C1orf56: variants seen among roughly 807,000 people sequenced by gnomAD.
The protein encoded by C1orf56 is chromosome 1 open reading frame 56.
Under a neutral mutation model 20.7 loss-of-function variants are expected in C1orf56, and 14 were observed. The observed-to-expected ratio is 0.68, with a 90% confidence interval of 0.45 to 1.06. The LOEUF (loss-of-function observed/expected upper bound fraction) is 1.06, where lower values mean the gene tolerates loss of function less well. C1orf56 is among the 50% of genes least tolerant of loss of function. The pLI, the probability that C1orf56 is intolerant of heterozygous loss-of-function variation, is 0.00. For missense variants in C1orf56, 424 were observed against 451.4 expected (o/e 0.94, Z 0.55); for synonymous variants, 187 against 194.7 (o/e 0.96, Z 0.33).
At position 151,048,311 on chromosome 1, in the gene C1orf56, C is replaced by T. The variant is rs368980042; in HGVS notation, c.464C>T (p.Pro155Leu). The change falls in exon 1 of 2, where the codon CCG (proline) becomes CTG (leucine). Residue 155 changes from proline (P) to leucine (L), a missense_variant. By Grantham distance (98) the Pro-to-Leu change is moderately conservative. Coordinates refer to ENST00000368926, the MANE Select transcript of C1orf56 (RefSeq NM_017860.5). The surrounding 1 kb of genome is among the most constrained non-coding windows in gnomAD (Gnocchi z 4.8). ...EPEIRLTSSL[P>L]RSPGRSTEDL... ...GAAATCAGGCTGACTTCAAGCCTGC[C>T]GCGCTCCCCCGGGAGGTCTACTGAG... 1.2e-5 allele frequency: 20 copies of T among 1,614,034 alleles called. No homozygotes were observed. Among genetic ancestry groups the T allele is most frequent in the Admixed American group, 1.7e-5 (1 of 60,012 alleles).
rs1558106955 is a variant in C1orf56 at position 151,050,443 on chromosome 1, CAG to C, written c.1013_1014del (p.Arg338LysfsTer11). 2.5e-6 allele frequency: 4 copies of C among 1,609,124 alleles called. No homozygotes were observed. The highest frequency in any genetic ancestry group is 1.7e-5 in the Admixed American group (1 of 58,916). On this transcript the variant is annotated frameshift_variant, in exon 2 of 2. Transcript: ENST00000368926. LOFTEE classifies it high-confidence loss of function. ...TATTTTTTTTTCTTACGCAGATAGA[CAG>C]AAACCAGAGGTAATGGCCACTTCAT... ...SVFTEMQPIDRNQR is the reference protein window; with the variant it reads ...SVFTEMQPIDXNQR
Position 151,047,833 on chromosome 1 carries a change from C to A in C1orf56, c.-15C>A. 1 of 1,536,454 alleles carries A rather than the reference C, an allele frequency of 6.5e-7. No homozygotes were observed. Among genetic ancestry groups the A allele is most frequent in the Non-Finnish European group, 8.7e-7 (1 of 1,147,276 alleles). On this transcript the variant is annotated 5_prime_UTR_variant, in exon 1 of 2. Coordinates refer to ENST00000368926, the MANE Select transcript of C1orf56 (RefSeq NM_017860.5). ...GCCTCACTGGCCACCCTCCCAACCCCAAGAGCCCAGCCCCATGGTCCCCGC... is the reference window on the plus strand; with the variant it reads ...GCCTCACTGGCCACCCTCCCAACCCAAAGAGCCCAGCCCCATGGTCCCCGC...
At position 151,049,771 on chromosome 1, in the gene C1orf56, T is replaced by C. The variant is rs970371016; in HGVS notation, c.1006-667T>C. 2.2e-4 allele frequency: 33 copies of C among 152,400 alleles called. 1 individual carries two copies. Among genetic ancestry groups the C allele is most frequent in the African/African-American group, 7.7e-4 (32 of 41,552 alleles). The allele number at this position is 152,400 out of a possible 1,614,324, so 9.4% of individuals were successfully genotyped here. ...GGTCTCCAACTCCTGAGCTCAAGGA[T>C]CTGCCCACCTTGGCCTTCCAGAATT... On this transcript the variant is annotated intron_variant, in intron 1 of 1. Transcript: ENST00000368926.
At position 151,050,648 on chromosome 1, in the gene C1orf56, GTAAC is replaced by G. The variant is rs1676158849; in HGVS notation, c.*193_*196del. ...CCCTTCATCCCTAAGACTGAACTATGTAACTAGCAGCCTCTGGCTTGTTTTCTAC... is the reference window on the plus strand; with the variant it reads ...CCCTTCATCCCTAAGACTGAACTATGTAGCAGCCTCTGGCTTGTTTTCTAC... On this transcript the variant is annotated 3_prime_UTR_variant, in exon 2 of 2. Coordinates refer to ENST00000368926, the MANE Select transcript of C1orf56 (RefSeq NM_017860.5). 8.2e-6 allele frequency: 4 copies of G among 485,462 alleles called. No homozygotes were observed. Among genetic ancestry groups the G allele is most frequent in the Non-Finnish European group, 1.1e-5 (3 of 276,618 alleles). 30.1% of individuals were successfully genotyped at this position (485,462 alleles called of 1,614,324 possible). A position where few individuals can be genotyped will look rare whatever the true frequency, so the allele number is the denominator to read the frequency against.
chr1:151,048,651 CTG>C lies in C1orf56; in HGVS notation c.806_807del (p.Cys269TyrfsTer2). Reference protein sequence around the residue: ...REECPLDTSLCTDTNCASQST... With the variant: ...REECPLDTSLXTDTNCASQST... ...AAGAGTGCCCCCTGGACACAAGTCT[CTG>C]TACTGACACCAACTGTGCCTCTCAG... is the stretch of plus-strand genomic sequence containing the variant. On this transcript the variant is annotated frameshift_variant, in exon 1 of 2. Coordinates refer to ENST00000368926, the MANE Select transcript of C1orf56 (RefSeq NM_017860.5). LOFTEE classifies it high-confidence loss of function. This position sits in a 1 kb window ranked among gnomAD's most constrained non-coding sequence, Gnocchi z 4.8. 6.2e-7 allele frequency: 1 copy of C among 1,613,968 alleles called. No homozygotes were observed. Among genetic ancestry groups the C allele is most frequent in the Non-Finnish European group, 8.5e-7 (1 of 1,179,898 alleles).
rs1233788297 is a variant in C1orf56 at position 151,048,790 on chromosome 1, G to C, written c.943G>C (p.Val315Leu). Reference sequence around the variant, plus strand: ...CCCAGCCCTGGCTTTTTGGAAACGGGTCAGGATTGGCCTGGAGGATATTTG... The same window carrying C: ...CCCAGCCCTGGCTTTTTGGAAACGGCTCAGGATTGGCCTGGAGGATATTTG... ...PCPALAFWKR[V>L]RIGLEDIWNS... Residue 315 changes from valine (V) to leucine (L), a missense_variant, in exon 1 of 2, where the codon GTC (valine) becomes CTC (leucine). Transcript: ENST00000368926. The surrounding 1 kb of genome is among the most constrained non-coding windows in gnomAD (Gnocchi z 4.8). 6.2e-7 allele frequency: 1 copy of C among 1,612,156 alleles called. No individual in the cohort carries two copies. Among genetic ancestry groups the C allele is most frequent in the Admixed American group, 1.7e-5 (1 of 59,718 alleles).
intron 1 of C1orf56, among the ~76,000 whole-genome samples, chr1:151,049,177 G>A (rs1196682507): frequency 1.3e-5 from 2 of 151,882 alleles, no homozygotes; most frequent in African/African-American, 2.4e-5. Flanking sequence ...GCAATGGCGT[G>A]ATCCTGGCTC....
chr1:151,048,355 G>A lies in C1orf56; in HGVS notation c.508G>A (p.Ala170Thr). ...TACTGAGGACCTGCCAGGCTCGCAG[G>A]CCACCCTGAGCCAGTGGTCCACACC... is the stretch of plus-strand genomic sequence containing the variant. Reference protein sequence around the residue: ...RSTEDLPGSQATLSQWSTPGS... With the variant: ...RSTEDLPGSQTTLSQWSTPGS... The change falls in exon 1 of 2, where the codon GCC (alanine) becomes ACC (threonine). Residue 170 changes from alanine (A) to threonine (T), a missense_variant. Coordinates refer to ENST00000368926, the MANE Select transcript of C1orf56 (RefSeq NM_017860.5). The surrounding 1 kb of genome is among the most constrained non-coding windows in gnomAD (Gnocchi z 4.8). The A allele has an allele frequency of 6.2e-7, 1 of 1,613,624 alleles. No individual in the cohort carries two copies. Among genetic ancestry groups the A allele is most frequent in the Non-Finnish European group, 8.5e-7 (1 of 1,179,946 alleles).
Position 151,048,070 on chromosome 1 carries a change from G to T in C1orf56, c.223G>T (p.Asp75Tyr). Residue 75 changes from aspartate (D) to tyrosine (Y), a missense_variant, in exon 1 of 2, where the codon GAC becomes TAC. By Grantham distance (160) the Asp-to-Tyr change is radical (BLOSUM62 -3). Transcript: ENST00000368926. The surrounding 1 kb of genome is among the most constrained non-coding windows in gnomAD (Gnocchi z 4.8). ...CGAGAATGATGCCATGGCCGACGCC[G>T]ACCGCCTGGCTGGACCAGCGGCTGC... Reference protein sequence around the residue: ...EDENDAMADADRLAGPAAAEL... With the variant: ...EDENDAMADAYRLAGPAAAEL... 6.2e-7 allele frequency: 1 copy of T among 1,614,056 alleles called. No homozygotes were observed.
Position 151,047,934 on chromosome 1 carries a change from T to C in C1orf56, c.87T>C (p.Thr29=). Residue 29 remains threonine, a synonymous_variant, in exon 1 of 2, where the codon ACT becomes ACC. Coordinates refer to ENST00000368926, the MANE Select transcript of C1orf56 (RefSeq NM_017860.5). ...RAAGAQGLTQ[T]PTEMQRVSLR... ...CGGGGGCCCAAGGCCTGACCCAGAC[T>C]CCGACCGAAATGCAGCGGGTCAGTT... The C allele has an allele frequency of 6.2e-7, 1 of 1,613,086 alleles. No individual in the cohort carries two copies. The highest frequency in any genetic ancestry group is 8.5e-7 in the Non-Finnish European group (1 of 1,179,832).
Position 151,048,085 on chromosome 1 carries a change from C to A in C1orf56, c.238C>A (p.Pro80Thr), listed in dbSNP as rs757073114. 1.2e-6 allele frequency: 2 copies of A among 1,612,942 alleles called. No individual in the cohort carries two copies. The highest frequency in any genetic ancestry group is 1.7e-6 in the Non-Finnish European group (2 of 1,179,906). The change falls in exon 1 of 2, where the codon CCA (proline) becomes ACA (threonine). Residue 80 changes from proline to threonine, a missense_variant. By Grantham distance (38) the Pro-to-Thr change is conservative (BLOSUM62 -1). Coordinates refer to ENST00000368926, the MANE Select transcript of C1orf56 (RefSeq NM_017860.5). The surrounding 1 kb of genome is among the most constrained non-coding windows in gnomAD (Gnocchi z 4.8). Reference protein sequence around the residue: ...AMADADRLAGPAAAELLAATV... With the variant: ...AMADADRLAGTAAAELLAATV... The stretch of plus-strand genomic sequence containing the variant: ...GGCCGACGCCGACCGCCTGGCTGGA[C>A]CAGCGGCTGCCGAGCTCTTGGCCGC...
Position 151,048,916 on chromosome 1 carries a change from C to T in C1orf56, c.1005+64C>T, listed in dbSNP as rs758009996. ...ATCTGAAAAGTCCTGGTATCTAAAA[C>T]CCAGTTGCTAAGCCAGCCAGTGTTG... On this transcript the variant is annotated intron_variant, in intron 1 of 1. Coordinates refer to ENST00000368926, the MANE Select transcript of C1orf56 (RefSeq NM_017860.5). The surrounding 1 kb of genome is among the most constrained non-coding windows in gnomAD (Gnocchi z 4.8). 4.0e-6 allele frequency: 6 copies of T among 1,503,622 alleles called. No homozygotes were observed. The highest frequency in any genetic ancestry group is 2.3e-5 in the East Asian group (1 of 43,408). The allele number at this position is 1,503,622 out of a possible 1,614,324, so 93.1% of individuals were successfully genotyped here. A position where few individuals can be genotyped will look rare whatever the true frequency, so the allele number is the denominator to read the frequency against.
chr1:151,050,299 G>A, intron 1 of C1orf56, 139 bp from the exon 2 acceptor site: 1 of 713,746 alleles, frequency 1.4e-6, no homozygotes, highest in South Asian at 2.0e-5. Context: ...TACCATTATT[G>A]CATACAAAAA....
In C1orf56 at chr1:151,048,532, CTT is replaced by C; in HGVS notation, c.687_688del (p.Ser230ArgfsTer41). 6.2e-7 allele frequency: 1 copy of C among 1,613,422 alleles called. No individual in the cohort carries two copies. Among genetic ancestry groups the C allele is most frequent in the Non-Finnish European group, 8.5e-7 (1 of 1,180,026 alleles). ...GAGCCGGTCTGGGAAGCTGCACGGC[CTT>C]TCCGGGCGCCTTCGAGTTGGGGCGC... ...SRSRSGKLHG[L>X]SGRLRVGALS... On this transcript the variant is annotated frameshift_variant, in exon 1 of 2. Transcript: ENST00000368926. LOFTEE classifies it high-confidence loss of function. The surrounding 1 kb of genome is among the most constrained non-coding windows in gnomAD (Gnocchi z 4.8).
chr1:151,048,940 T>G lies in C1orf56; in HGVS notation c.1005+88T>G. 6.7e-7 allele frequency: 1 copy of G among 1,496,640 alleles called. No homozygotes were observed. The highest frequency in any genetic ancestry group is 8.9e-7 in the Non-Finnish European group (1 of 1,124,714). The allele number at this position is 1,496,640 out of a possible 1,614,324, so 92.7% of individuals were successfully genotyped here. ...ACCCAGTTGCTAAGCCAGCCAGTGT[T>G]GCTTACATGAACTGTTACTGACTTA... On this transcript the variant is annotated intron_variant, in intron 1 of 1. Transcript: ENST00000368926. This position sits in a 1 kb window ranked among gnomAD's most constrained non-coding sequence, Gnocchi z 4.8.
In C1orf56 at chr1:151,048,396, C is replaced by A; in HGVS notation, c.549C>A (p.Ser183Arg). Residue 183 changes from serine (S) to arginine (R), a missense_variant, in exon 1 of 2, where the codon AGC becomes AGA. Transcript: ENST00000368926. This position sits in a 1 kb window ranked among gnomAD's most constrained non-coding sequence, Gnocchi z 4.8. ...SQWSTPGSTP[S>R]RWPSPSPTAM... ...GGTCCACACCTGGGTCTACCCCGAG[C>A]CGGTGGCCGTCACCCTCACCCACAG... The A allele has an allele frequency of 6.2e-7, 1 of 1,611,956 alleles. No homozygotes were observed. The highest frequency in any genetic ancestry group is 1.3e-5 in the African/African-American group (1 of 75,068).
rs1175026391 is a variant in C1orf56, at chr1:151,048,467, G to A, written c.620G>A (p.Gly207Asp). ...EDLRLVLMPWGPWHCHCKSGT... is the reference protein window; with the variant it reads ...EDLRLVLMPWDPWHCHCKSGT... ...CTGCGGCTGGTGCTGATGCCCTGGG[G>A]CCCGTGGCACTGCCACTGCAAGTCG... The change falls in exon 1 of 2, where the codon GGC (glycine) becomes GAC (aspartate). Residue 207 changes from glycine to aspartate, a missense_variant. Transcript: ENST00000368926. The surrounding 1 kb of genome is among the most constrained non-coding windows in gnomAD (Gnocchi z 4.8). The A allele has an allele frequency of 1.2e-6, 2 of 1,608,398 alleles. No homozygotes were observed. Among genetic ancestry groups the A allele is most frequent in the Non-Finnish European group, 1.7e-6 (2 of 1,179,932 alleles).
rs868752669 is a variant in C1orf56 at position 151,048,100 on chromosome 1, C to A, written c.253C>A (p.Leu85Ile). Residue 85 changes from leucine (L) to isoleucine (I), a missense_variant, in exon 1 of 2, where the codon CTC becomes ATC. Transcript: ENST00000368926. This position sits in a 1 kb window ranked among gnomAD's most constrained non-coding sequence, Gnocchi z 4.8. ...CCTGGCTGGACCAGCGGCTGCCGAG[C>A]TCTTGGCCGCCACGGTGTCCACCGG... ...DRLAGPAAAE[L>I]LAATVSTGFS... 1.9e-6 allele frequency: 3 copies of A among 1,613,336 alleles called. No individual in the cohort carries two copies. The African/African-American group carries it at 4.0e-5, about 22-fold the overall frequency.
chr1:151,050,421 T>C lies in C1orf56; in HGVS notation c.1006-17T>C, dbSNP rs770957140. The C allele has an allele frequency of 1.9e-6, 3 of 1,601,312 alleles. No homozygotes were observed. The African/African-American group carries it at 4.0e-5, about 22-fold the overall frequency. ...GGTTGTAATTTCCCTTTTTCTCTAT[T>C]TTTTTTTCTTACGCAGATAGACAGA... On this transcript the variant is annotated splice_polypyrimidine_tract_variant and intron_variant, in intron 1 of 1. Transcript: ENST00000368926.
Sources: allele counts gnomAD v4.1 joint callset (sites outside exome capture counted in the v4.1 genomes callset), GRCh38; gene constraint gnomAD v4.1.1; non-coding constraint Gnocchi (gnomAD v3.1); transcripts MANE v1.5; gene names NCBI Gene and HGNC (gene_info 2026-07-23, HGNC 2026-07-21).